The following GPC5 variants were observed in gnomAD, a reference collection of about 807,000 sequenced individuals.
GPC5 encodes glypican 5.
A neutral mutation model predicts 53.9 loss-of-function variants in GPC5; 47 were observed. That is an observed-to-expected ratio of 0.87 (90% CI 0.69 to 1.11). The LOEUF (loss-of-function observed/expected upper bound fraction) is 1.11. Ranked by LOEUF, GPC5 falls within the 50% of genes most tolerant of loss-of-function variation. The pLI, the probability that GPC5 is intolerant of heterozygous loss-of-function variation, is 0.00. For missense variants in GPC5, 748 were observed against 713.1 expected (o/e 1.05, Z -0.56); for synonymous variants, 286 against 263.3 (o/e 1.09, Z -0.84).
At chr13:91,957,058 GA>G (rs2040079887) in intron 6 of GPC5, among the ~76,000 whole-genome samples, 1 of 151,834 alleles carries the variant, frequency 6.6e-6, no homozygotes, top group Non-Finnish European at 1.5e-5. Flanking sequence ...AGAGAACAGA[GA>G]AAGACATTAC....
chr13:92,770,735 T>C lies in GPC5; in HGVS notation c.1562-95547T>C, dbSNP rs1205684141. ...TCTCCAACTTAGTTTAATGAGTGGT[T>C]TTCAGCTGAAACCCGGACATTTGGG... On this transcript the variant is annotated intron_variant, in intron 7 of 7. Coordinates refer to ENST00000377067, the MANE Select transcript of GPC5 (RefSeq NM_004466.6). Among the ~76,000 whole-genome samples, 5 of 152,142 alleles carry C rather than the reference T, an allele frequency of 3.3e-5. 1 individual carries two copies. The highest frequency in any genetic ancestry group is 2.0e-4 in the Admixed American group (3 of 15,276).
chr13:91,482,884 A>G (rs868530337), intron 2 of GPC5, among the ~76,000 whole-genome samples: 1 of 148,768 alleles, frequency 6.7e-6, no homozygotes, highest in African/African-American at 2.5e-5. Flanking sequence ...TTTTTGCCAT[A>G]TCCATTATTG....
chr13:92,087,500 C>A (rs1421494509), intron 6 of GPC5, among the ~76,000 whole-genome samples: 1 of 152,190 alleles, frequency 6.6e-6, no homozygotes, highest in African/African-American at 2.4e-5. Context: ...TTTGCCAACT[C>A]TCTATTCAAA....
At chr13:91,925,687 A>G (rs971412880) in intron 6 of GPC5, among the ~76,000 whole-genome samples, 5 of 152,194 alleles carry the variant, frequency 3.3e-5, no homozygotes, top group Non-Finnish European at 5.9e-5. Context: ...TCTCCTAGGT[A>G]TGGGCATACG....
At chr13:91,409,228 G>A (rs187820222) in intron 1 of GPC5, among the ~76,000 whole-genome samples, 3 of 152,178 alleles carry the variant, frequency 2.0e-5, no homozygotes, top group Admixed American at 2.0e-4. Context: ...TTAACAGCCT[G>A]TTCTCACCAG....
chr13:92,578,852 G>C (rs1406851118), intron 7 of GPC5, among the ~76,000 whole-genome samples: 1 of 152,150 alleles, frequency 6.6e-6, no homozygotes, highest in Non-Finnish European at 1.5e-5. Flanking sequence ...TGGCCTAGAA[G>C]ATAACACGGA....
At chr13:92,016,237 T>G (rs1018969682) in intron 6 of GPC5, among the ~76,000 whole-genome samples, 2 of 152,244 alleles carry the variant, frequency 1.3e-5, no homozygotes, top group African/African-American at 4.8e-5. Flanking sequence ...TATAATGAAA[T>G]GTCTACCATT....
intron 2 of GPC5, among the ~76,000 whole-genome samples, chr13:91,497,856 G>A (rs771270744): frequency 6.6e-6 from 1 of 152,156 alleles, no homozygotes; most frequent in African/African-American, 2.4e-5. Flanking sequence ...TGCATGAGAT[G>A]TTTTGATACA....
rs576301098 is a variant in GPC5, at chr13:92,496,396, T to C, written c.1561+351407T>C. 7.9e-5 allele frequency among the ~76,000 whole-genome samples: 12 copies of C among 152,260 alleles called. No individual in the cohort carries two copies. In the East Asian group the frequency reaches 1.7e-3, roughly 22 times the overall value. On this transcript the variant is annotated intron_variant, in intron 7 of 7. Transcript: ENST00000377067. ...TTCCAATTTGAAAAGATAAAACAAATTGAAAAGATTGACAAATACACAGTA... is the reference window on the plus strand; with the variant it reads ...TTCCAATTTGAAAAGATAAAACAAACTGAAAAGATTGACAAATACACAGTA...
At chr13:92,750,322 T>G (rs1889351789) in intron 7 of GPC5, among the ~76,000 whole-genome samples, 1 of 152,186 alleles carries the variant, frequency 6.6e-6, no homozygotes, top group African/African-American at 2.4e-5. Flanking sequence ...TTTTGTCTTG[T>G]CTCTCTTGAT....
chr13:91,636,825 G>C (rs1468943897), intron 2 of GPC5, among the ~76,000 whole-genome samples: 1 of 152,102 alleles, frequency 6.6e-6, no homozygotes, highest in Non-Finnish European at 1.5e-5. Context: ...AGGCATGGTG[G>C]TGCGTGCCTG....
At chr13:91,569,071 A>C (rs1455565486) in intron 2 of GPC5, among the ~76,000 whole-genome samples, 1 of 152,082 alleles carries the variant, frequency 6.6e-6, no homozygotes, top group East Asian at 1.9e-4. Flanking sequence ...TTTTAATGTA[A>C]GATGTGTCCA....
chr13:92,505,803 CACA>C (rs1880344695), intron 7 of GPC5, among the ~76,000 whole-genome samples: 2 of 152,078 alleles, frequency 1.3e-5, no homozygotes, highest in African/African-American at 2.4e-5. Context: ...TTTTGGTACT[CACA>C]ACATCTTACA....
At chr13:92,472,992 C>T (rs1594231472) in intron 7 of GPC5, among the ~76,000 whole-genome samples, 1 of 151,986 alleles carries the variant, frequency 6.6e-6, no homozygotes, top group Non-Finnish European at 1.5e-5. Flanking sequence ...AATGAAAAAA[C>T]TGATCTAAAA....
chr13:91,728,523 A>G lies in GPC5; in HGVS notation c.1021-9A>G, dbSNP rs200150724. On this transcript the variant is annotated splice_polypyrimidine_tract_variant and intron_variant, in intron 3 of 7. Coordinates refer to ENST00000377067, the MANE Select transcript of GPC5 (RefSeq NM_004466.6). ...TTCTAACTACCTTTTAATGTTTTCT[A>G]TTTAAAAGGTAAATAGGATTTGTGG... 9.3e-6 allele frequency: 15 copies of G among 1,605,950 alleles called. No individual in the cohort carries two copies. In the East Asian group the frequency reaches 2.5e-4, roughly 26 times the overall value.
At chr13:92,776,300 C>T (rs1416443701) in intron 7 of GPC5, among the ~76,000 whole-genome samples, 4 of 152,126 alleles carry the variant, frequency 2.6e-5, no homozygotes. Flanking sequence ...CTTTTTCCCA[C>T]AGCGAGCTCT....
At chr13:91,934,637 C>T (rs2039853256) in intron 6 of GPC5, among the ~76,000 whole-genome samples, 1 of 151,836 alleles carries the variant, frequency 6.6e-6, no homozygotes, top group Non-Finnish European at 1.5e-5. Context: ...CAAACACTGC[C>T]CCTTTTTGGC....
rs79419673 is a variant in GPC5, at chr13:92,511,893, G to A, written c.1562-354389G>A. 8.2e-3 allele frequency among the ~76,000 whole-genome samples: 1,249 copies of A among 152,132 alleles called. 21 individuals are homozygous for A. The highest frequency in any genetic ancestry group is 0.028 in the African/African-American group (1,172 of 41,488). The stretch of plus-strand genomic sequence containing the variant: ...TCTCAGTAGGTTATGCTTGTTATAT[G>A]GTGAAAGAGAGACGTGGAGTGCAGG... On this transcript the variant is annotated intron_variant, in intron 7 of 7. Coordinates refer to ENST00000377067, the MANE Select transcript of GPC5 (RefSeq NM_004466.6).
At chr13:91,873,259 G>A (rs1410100223) in intron 5 of GPC5, among the ~76,000 whole-genome samples, 1 of 152,184 alleles carries the variant, frequency 6.6e-6, no homozygotes, top group Non-Finnish European at 1.5e-5. Flanking sequence ...TAGTGATTAA[G>A]AGAATGGACT....
Sources: gnomAD v4.1 joint callset for allele counts (sites outside exome capture counted in the v4.1 genomes callset) on GRCh38, gnomAD v4.1.1 for gene constraint, MANE v1.5 for transcripts, NCBI Gene and HGNC (gene_info 2026-07-23, HGNC 2026-07-21) for gene names.